Variants in WNK2 observed in about 807,000 individuals in gnomAD.
WNK2 encodes serine/threonine-protein kinase WNK2.
A neutral mutation model predicts 192.1 loss-of-function variants in WNK2; 67 were observed. The observed-to-expected ratio is 0.35, with a 90% confidence interval of 0.29 to 0.43. The LOEUF (loss-of-function observed/expected upper bound fraction) is 0.43. Among genes scored for constraint, WNK2 ranks in the 20% least tolerant of loss-of-function variants. The probability of loss-of-function intolerance (pLI) is 1.00; values close to 1 mark genes in which losing one functional copy is unlikely to be tolerated. For missense variants in WNK2, 2,698 were observed against 3,089.7 expected (o/e 0.87, Z 3.01); for synonymous variants, 1,439 against 1,393.9 (o/e 1.03, Z -0.72).
At chr9:93,253,869 G>A (rs1022430877) in intron 9 of WNK2, among the ~76,000 whole-genome samples, 1 of 152,192 alleles carries the variant, frequency 6.6e-6, no homozygotes, top group Admixed American at 6.5e-5. Flanking sequence ...CAGAGGGGTT[G>A]CCCATGAGCC....
intron 7 of WNK2, among the ~76,000 whole-genome samples, chr9:93,244,235 C>T (rs78437719): frequency 0.011 from 1,693 of 152,300 alleles, 33 homozygotes; most frequent in East Asian, 0.048. Flanking sequence ...GAAGTCACCT[C>T]TCAGCAAGTT....
chr9:93,205,565 C>G (rs1161294490), intron 2 of WNK2, among the ~76,000 whole-genome samples: 1 of 151,972 alleles, frequency 6.6e-6, no homozygotes, highest in East Asian at 1.9e-4. Flanking sequence ...TCGGCCCGCC[C>G]CGCGGCCGGC....
intron 19 of WNK2, among the ~76,000 whole-genome samples, chr9:93,282,312 GA>G (rs1381048962): frequency 1.3e-5 from 2 of 152,118 alleles, no homozygotes; most frequent in Non-Finnish European, 2.9e-5. Flanking sequence ...GGCAGGTGGG[GA>G]AGGAATTTTT....
intron 4 of WNK2, among the ~76,000 whole-genome samples, chr9:93,232,481 G>T (rs1838992454): frequency 1.3e-5 from 2 of 152,218 alleles, no homozygotes; most frequent in African/African-American, 4.8e-5. Flanking sequence ...TTTCTGGGCA[G>T]ATTTTGCAAA....
intron 2 of WNK2, among the ~76,000 whole-genome samples, chr9:93,199,669 C>T (rs1326937941): frequency 6.6e-6 from 1 of 151,954 alleles, no homozygotes; most frequent in Non-Finnish European, 1.5e-5. Flanking sequence ...GAGGCCGAGG[C>T]GGGTGGATCA....
rs1475853464 is a variant in WNK2, at chr9:93,185,194, G to A, written c.265G>A (p.Ala89Thr). Reference sequence around the variant, plus strand: ...GACGCGCCGCCTCATCGCGGAGCGCGCCCGCGGACGCCCCGCCGCCCCCGC... The same window carrying A: ...GACGCGCCGCCTCATCGCGGAGCGCACCCGCGGACGCCCCGCCGCCCCCGC... The part of the protein sequence containing the change: ...CKTRRLIAER[A>T]RGRPAAPAPA... The change falls in exon 2 of 30, where the codon GCC becomes ACC. Residue 89 changes from alanine to threonine, a missense_variant. This residue lies in a region of WNK2 where 260 missense variants were observed against 285.6 expected (regional missense o/e 0.91). Coordinates refer to ENST00000427277, the MANE Select transcript of WNK2 (RefSeq NM_006648.4). 8.6e-7 allele frequency: 1 copy of A among 1,162,350 alleles called. No homozygotes were observed. The highest frequency in any genetic ancestry group is 1.1e-6 in the Non-Finnish European group (1 of 945,022). 72.0% of individuals were successfully genotyped at this position (1,162,350 alleles called of 1,614,324 possible). A position where few individuals can be genotyped will look rare whatever the true frequency, so the allele number is the denominator to read the frequency against.
At chr9:93,278,336 G>T (rs1030754764) in intron 19 of WNK2, among the ~76,000 whole-genome samples, 3 of 151,824 alleles carry the variant, frequency 2.0e-5, no homozygotes, top group African/African-American at 7.3e-5. Flanking sequence ...GCAGAGCACT[G>T]TGTGTGAGGA....
chr9:93,305,006 A>C (rs1010497044), intron 26 of WNK2, among the ~76,000 whole-genome samples: 4 of 152,204 alleles, frequency 2.6e-5, no homozygotes, highest in African/African-American at 4.8e-5. Context: ...TCCAGACCCC[A>C]GGTTCCCAGG....
At chr9:93,246,448 G>A (rs1306403098) in intron 7 of WNK2, among the ~76,000 whole-genome samples, 1 of 152,198 alleles carries the variant, frequency 6.6e-6, no homozygotes, top group African/African-American at 2.4e-5. Flanking sequence ...AAGGTGTCGG[G>A]AGCCTGCCTG....
rs768043843 is a variant in WNK2, at chr9:93,259,610, G to A, written c.3062G>A (p.Ser1021Asn). The change falls in exon 12 of 30, where the codon AGC becomes AAC. Residue 1021 changes from serine to asparagine, a missense_variant. This residue lies in a region of WNK2 where 893 missense variants were observed against 909.0 expected (regional missense o/e 0.98). Transcript: ENST00000427277. The surrounding 1 kb of genome is among the most constrained non-coding windows in gnomAD (Gnocchi z 4.8). Reference sequence around the variant, plus strand: ...GCTGCTCCAGCTGCTACACCAGGGAGCCAGGTAATCACCTGCTGGGCAGGG... The same window carrying A: ...GCTGCTCCAGCTGCTACACCAGGGAACCAGGTAATCACCTGCTGGGCAGGG... ...EQAAPAATPGSQILLGHPAPY... is the reference protein window; with the variant it reads ...EQAAPAATPGNQILLGHPAPY... 8 of 1,578,588 alleles carry A rather than the reference G, an allele frequency of 5.1e-6. No homozygotes were observed. Among genetic ancestry groups the A allele is most frequent in the Non-Finnish European group, 6.8e-6 (8 of 1,170,296 alleles).
intron 2 of WNK2, among the ~76,000 whole-genome samples, chr9:93,191,548 C>T (rs1830330437): frequency 6.6e-6 from 1 of 151,890 alleles, no homozygotes; most frequent in Non-Finnish European, 1.5e-5. Flanking sequence ...ATCTCTCTGG[C>T]CACCTTGGGG....
intron 28 of WNK2, among the ~76,000 whole-genome samples, chr9:93,312,599 C>T (rs536170737): frequency 6.6e-6 from 1 of 151,984 alleles, no homozygotes; most frequent in African/African-American, 2.4e-5. Flanking sequence ...AGGATGGTCT[C>T]GATCCCTTGA....
chr9:93,262,023 A>G lies in WNK2; in HGVS notation c.3276A>G (p.Pro1092=), dbSNP rs1844358206. The change falls in exon 13 of 30, where the codon CCA becomes CCG. Residue 1092 remains proline (P), a synonymous_variant. Transcript: ENST00000427277. ...SVPTQTATLL[P]PANPPLPGGP... ...CCACCCAGACTGCCACACTTCTGCC[A>G]CCAGCAAACCCACCGCTGCCTGGCG... 5.0e-6 allele frequency: 8 copies of G among 1,611,346 alleles called. No individual in the cohort carries two copies. The South Asian group carries it at 7.7e-5, about 15-fold the overall frequency.
At chr9:93,209,610 C>A (rs1201614469) in intron 2 of WNK2, among the ~76,000 whole-genome samples, 2 of 152,170 alleles carry the variant, frequency 1.3e-5, no homozygotes, top group Non-Finnish European at 2.9e-5. Context: ...GGAGAAACAG[C>A]TTAAAGTAGA....
chr9:93,215,477 TA>T (rs2131644211), intron 2 of WNK2, among the ~76,000 whole-genome samples: 1 of 152,358 alleles, frequency 6.6e-6, no homozygotes, highest in Non-Finnish European at 1.5e-5. Flanking sequence ...CATTTACACA[TA>T]GGTTGGACCT....
chr9:93,208,597 T>G (rs1193542113), intron 2 of WNK2, among the ~76,000 whole-genome samples: 1 of 151,202 alleles, frequency 6.6e-6, no homozygotes, highest in African/African-American at 2.5e-5. Flanking sequence ...CTTCATGTAT[T>G]CGTGTCCTGT....
intron 10 of WNK2, 106 bp from the exon 11 acceptor site, chr9:93,256,842 G>A (rs1843383838): frequency 1.4e-5 from 14 of 1,027,118 alleles, no homozygotes; most frequent in South Asian, 6.4e-5. Context: ...GAGCATGTGC[G>A]TGTGCATGTG....
At chr9:93,207,767 C>G (rs530397681) in intron 2 of WNK2, among the ~76,000 whole-genome samples, 13 of 152,366 alleles carry the variant, frequency 8.5e-5, no homozygotes, top group African/African-American at 2.9e-4. Context: ...TGCCGGCACC[C>G]ACGCCCTCTC....
chr9:93,306,146 G>A (rs2134213146), intron 26 of WNK2, among the ~76,000 whole-genome samples: 1 of 152,286 alleles, frequency 6.6e-6, no homozygotes, highest in Non-Finnish European at 1.5e-5. Flanking sequence ...TACCCCTTGT[G>A]GATACTGACT....
Sources: gnomAD v4.1 joint callset for allele counts (sites outside exome capture counted in the v4.1 genomes callset) on GRCh38, gnomAD v4.1.1 for gene constraint, gnomAD v4.1.1 regional missense constraint, Gnocchi (gnomAD v3.1) non-coding constraint, MANE v1.5 for transcripts, NCBI Gene and HGNC (gene_info 2026-07-23, HGNC 2026-07-21) for gene names.